Variants in KCNN2 observed in about 807,000 individuals in gnomAD.
KCNN2 encodes small conductance calcium-activated potassium channel protein 2.
In KCNN2, 24 loss-of-function variants were observed where a neutral mutation model predicts 55.5. That is an observed-to-expected ratio of 0.43 (90% CI 0.31 to 0.61). The LOEUF (loss-of-function observed/expected upper bound fraction) is 0.61, where lower values mean the gene tolerates loss of function less well. Among genes scored for constraint, KCNN2 ranks in the 20% least tolerant of loss-of-function variants. The pLI is 0.08. For missense variants in KCNN2, 754 were observed against 853.6 expected (o/e 0.88, Z 1.45); for synonymous variants, 431 against 336.1 (o/e 1.28, Z -3.09).
Position 114,363,123 on chromosome 5 carries a change from C to T in KCNN2, c.984C>T (p.Asn328=). 6.2e-7 allele frequency: 1 copy of T among 1,613,460 alleles called. No homozygotes were observed. The highest frequency in any genetic ancestry group is 1.1e-5 in the South Asian group (1 of 91,086). Residue 328 remains asparagine (N), a synonymous_variant, in exon 1 of 8, where the codon AAC becomes AAT. Transcript: ENST00000673685. ...GTKSSKKKNQ[N]IGYKLGHRRA... ...AGTCCAGCAAAAAGAAAAACCAGAACATCGGCTACAAGCTGGGCCACCGGC... is the reference window on the plus strand; with the variant it reads ...AGTCCAGCAAAAAGAAAAACCAGAATATCGGCTACAAGCTGGGCCACCGGC...
chr5:114,226,482 AAG>A (rs1213122076), intron 2 of KCNN2, among the ~76,000 whole-genome samples: 2 of 152,220 alleles, frequency 1.3e-5, no homozygotes, highest in Non-Finnish European at 2.9e-5. Context: ...GGTCAGTAAA[AAG>A]AGAGATCTAA....
intron 2 of KCNN2, among the ~76,000 whole-genome samples, chr5:114,303,002 A>G (rs1756198770): frequency 6.6e-6 from 1 of 152,222 alleles, no homozygotes; most frequent in Non-Finnish European, 1.5e-5. Context: ...AATCTTAGCA[A>G]AGCCCAGAGG....
At chr5:114,185,742 A>G (rs889804671) in intron 1 of KCNN2, among the ~76,000 whole-genome samples, 1 of 152,246 alleles carries the variant, frequency 6.6e-6, no homozygotes, top group African/African-American at 2.4e-5. Flanking sequence ...GTTGCATTTT[A>G]TCTGCCAACA....
At chr5:114,253,253 C>G (rs1353612307) in intron 2 of KCNN2, among the ~76,000 whole-genome samples, 1 of 150,000 alleles carries the variant, frequency 6.7e-6, no homozygotes, top group Non-Finnish European at 1.5e-5. Context: ...TAAAACAGAA[C>G]TAGAATTAAT....
intron 2 of KCNN2, among the ~76,000 whole-genome samples, chr5:114,304,834 T>G (rs573164700): frequency 1.3e-5 from 2 of 152,310 alleles, no homozygotes; most frequent in South Asian, 4.1e-4. Flanking sequence ...ACATGTTACC[T>G]TCAAAATCCA....
Position 114,439,644 on chromosome 5 carries a change from T to C in KCNN2, c.1638-23405T>C, listed in dbSNP as rs948014734. 7.2e-5 allele frequency among the ~76,000 whole-genome samples: 11 copies of C among 152,266 alleles called. No homozygotes were observed. The South Asian group carries it at 1.0e-3, about 14-fold the overall frequency. On this transcript the variant is annotated intron_variant, in intron 3 of 7. Coordinates refer to ENST00000673685, the MANE Select transcript of KCNN2 (RefSeq NM_021614.4). Reference sequence around the variant, plus strand: ...AATGCACCGCCAAGGTTAAGAACCATAGCACCAAATTGATTTCACTATGTA... The same window carrying C: ...AATGCACCGCCAAGGTTAAGAACCACAGCACCAAATTGATTTCACTATGTA...
At chr5:114,187,993 T>C (rs969794570) in intron 1 of KCNN2, among the ~76,000 whole-genome samples, 1 of 151,864 alleles carries the variant, frequency 6.6e-6, no homozygotes, top group Non-Finnish European at 1.5e-5. Flanking sequence ...TTTGTATTTT[T>C]AGTAGAGATG....
chr5:114,304,150 GGA>G (rs1756221151), intron 2 of KCNN2, among the ~76,000 whole-genome samples: 1 of 152,138 alleles, frequency 6.6e-6, no homozygotes, highest in South Asian at 2.1e-4. Context: ...ACTCCTGGTG[GGA>G]GGGATATAGA....
At chr5:114,402,829 T>C (rs537211713) in intron 2 of KCNN2, among the ~76,000 whole-genome samples, 73 of 152,284 alleles carry the variant, frequency 4.8e-4, no homozygotes, top group African/African-American at 1.7e-3. Context: ...AGAGTTTACC[T>C]GGACAGGATC....
intron 2 of KCNN2, among the ~76,000 whole-genome samples, chr5:114,322,409 C>T (rs576414719): frequency 6.6e-6 from 1 of 152,264 alleles, no homozygotes; most frequent in South Asian, 2.1e-4. Flanking sequence ...ATTTTCAGAA[C>T]CTGATGGAGA....
At chr5:114,291,632 A>G (rs1468184025) in intron 2 of KCNN2, among the ~76,000 whole-genome samples, 1 of 152,222 alleles carries the variant, frequency 6.6e-6, no homozygotes, top group Non-Finnish European at 1.5e-5. Context: ...GCTATTGTGA[A>G]TAGTGCTGCA....
chr5:114,208,400 T>A (rs953464854), intron 1 of KCNN2, among the ~76,000 whole-genome samples: 5 of 152,004 alleles, frequency 3.3e-5, no homozygotes, highest in Non-Finnish European at 5.9e-5. Context: ...TCTGTTAAAT[T>A]CCAACTTTCC....
intron 2 of KCNN2, among the ~76,000 whole-genome samples, chr5:114,369,557 A>G (rs1185940992): frequency 6.6e-6 from 1 of 152,166 alleles, no homozygotes; most frequent in African/African-American, 2.4e-5. Flanking sequence ...AAAGATAGTG[A>G]GGTAGAAAAC....
At chr5:114,395,105 T>TA (rs1758576084) in intron 2 of KCNN2, among the ~76,000 whole-genome samples, 2 of 152,194 alleles carry the variant, frequency 1.3e-5, no homozygotes, top group African/African-American at 4.8e-5. Context: ...AGCTTGCAGT[T>TA]ACCTTGCAGA....
rs190812264 is a variant in KCNN2 at position 114,222,975 on chromosome 5, A to G, written c.-185+1410A>G. Among the ~76,000 whole-genome samples, 129 of 152,286 alleles carry G rather than the reference A, an allele frequency of 8.5e-4. 1 individual carries two copies. The highest frequency in any genetic ancestry group is 3.9e-4 in the East Asian group (2 of 5,184). On this transcript the variant is annotated intron_variant, in intron 2 of 10. Transcript: ENST00000512097. ...CAGCAGATGAATGCCATCTCTCATA[A>G]TCTCTATTGAGGTCTCTTCTGCTTT...
At chr5:114,262,242 CT>C (rs1755123732) in intron 2 of KCNN2, among the ~76,000 whole-genome samples, 1 of 152,166 alleles carries the variant, frequency 6.6e-6, no homozygotes, top group African/African-American at 2.4e-5. Context: ...AGAAAGCAGT[CT>C]TCTTCCATTA....
chr5:114,467,308 T>A (rs1355970889), intron 4 of KCNN2, among the ~76,000 whole-genome samples: 4 of 152,216 alleles, frequency 2.6e-5, no homozygotes, highest in Non-Finnish European at 5.9e-5. Flanking sequence ...CTGTTTCCAT[T>A]TGAGGATTTG....
chr5:114,379,244 TCCCC>T (rs1758029265), intron 2 of KCNN2, among the ~76,000 whole-genome samples: 1 of 151,820 alleles, frequency 6.6e-6, no homozygotes, highest in Admixed American at 6.6e-5. Flanking sequence ...TCTGCCCATC[TCCCC>T]ACACACTTGC....
At chr5:114,093,823 G>A (rs1329682934) in intron 1 of KCNN2, among the ~76,000 whole-genome samples, 1 of 152,176 alleles carries the variant, frequency 6.6e-6, no homozygotes, top group Admixed American at 6.5e-5. Flanking sequence ...CCCTTGACAA[G>A]TGGGGATTAT....
Sources: gnomAD v4.1 joint callset for allele counts (sites outside exome capture counted in the v4.1 genomes callset) on GRCh38, gnomAD v4.1.1 for gene constraint, MANE v1.5 for transcripts, NCBI Gene and HGNC (gene_info 2026-07-23, HGNC 2026-07-21) for gene names.